Variants in NUP160 observed in about 807,000 individuals in gnomAD.
The protein encoded by NUP160 is nucleoporin 160.
Under a neutral mutation model 196.9 loss-of-function variants are expected in NUP160, and 94 were observed. The ratio of observed to expected loss-of-function variants is 0.48; its 90% CI spans 0.40 to 0.57. The LOEUF is 0.57. Among genes scored for constraint, NUP160 ranks in the 20% least tolerant of loss-of-function variants. The pLI, the probability that NUP160 is intolerant of heterozygous loss-of-function variation, is 0.00. For missense variants in NUP160, 1,638 were observed against 1,748.3 expected (o/e 0.94, Z 1.13); for synonymous variants, 605 against 619.7 (o/e 0.98, Z 0.35).
chr11:47,829,315 T>G (rs1312291900), intron 7 of NUP160, among the ~76,000 whole-genome samples: 2 of 152,216 alleles, frequency 1.3e-5, no homozygotes, highest in Non-Finnish European at 2.9e-5. Context: ...CCATTTTGTT[T>G]GTTTCTTTGT....
intron 3 of NUP160, 140 bp downstream of exon 3, chr11:47,840,238 C>T (rs774968784): frequency 2.5e-5 from 21 of 848,106 alleles, no homozygotes; most frequent in East Asian, 5.3e-5. Context: ...TCATTTTAAG[C>T]GGTAGCTATC....
intron 2 of NUP160, 98 bp from the exon 3 acceptor site, chr11:47,840,686 T>C: frequency 1.1e-6 from 1 of 907,772 alleles, no homozygotes; most frequent in Non-Finnish European, 1.6e-6. Flanking sequence ...ACTCACCAAA[T>C]TTGAAAATTT....
chr11:47,848,350 C>T (rs1852446577), exon 1 of NUP160: 2 of 1,613,198 alleles, frequency 1.2e-6, no homozygotes, highest in Non-Finnish European at 1.7e-6. Context: ...CCCAACGGAA[C>T]AAAGGCAGGG....
At position 47,797,834 on chromosome 11, in the gene NUP160, G is replaced by GT; in HGVS notation, c.3233dup (p.His1078GlnfsTer5). 6.2e-7 allele frequency: 1 copy of GT among 1,613,050 alleles called. No homozygotes were observed. The highest frequency in any genetic ancestry group is 2.2e-5 in the East Asian group (1 of 44,798). ...AGGCATACAGAAGTTCATAGTAATTGTGAGTCATAAGGTCCACAGCTCTAG... is the reference window on the plus strand; with the variant it reads ...AGGCATACAGAAGTTCATAGTAATTGTTGAGTCATAAGGTCCACAGCTCTAG... On this transcript the variant is annotated frameshift_variant, in exon 27 of 36. Transcript: ENST00000378460. LOFTEE classifies it high-confidence loss of function.
At chr11:47,803,571 A>C in intron 21 of NUP160, 35 bp from the exon 22 acceptor site, 2 of 1,167,112 alleles carry the variant, frequency 1.7e-6, no homozygotes, top group Non-Finnish European at 2.6e-6. Context: ...TGATTAGAAA[A>C]TAAATGTTAC....
chr11:47,802,021 A>G, intron 22 of NUP160, 91 bp from the exon 23 acceptor site: 1 of 1,239,324 alleles, frequency 8.1e-7, no homozygotes, highest in Non-Finnish European at 1.1e-6. Context: ...GAAAGCCAAA[A>G]AAGAAACAAG....
intron 34 of NUP160, among the ~76,000 whole-genome samples, chr11:47,782,294 AAAAAAAAAAATATATATATAT>A (rs2097661382): frequency 2.5e-5 from 1 of 40,618 alleles, no homozygotes; most frequent in Non-Finnish European, 4.8e-5. Context: ...TCAGTTAAAA[AAAAAAAAAAATATATATATAT>A]ATATATATAT....
intron 1 of NUP160, 106 bp downstream of exon 1, chr11:47,848,113 G>A (rs1852436853): frequency 7.3e-7 from 1 of 1,373,180 alleles, no homozygotes; most frequent in South Asian, 1.2e-5. Flanking sequence ...CGGGGCTAGA[G>A]GCATGTGGAC....
chr11:47,795,056 A>G (rs2097670100), intron 27 of NUP160, among the ~76,000 whole-genome samples: 1 of 152,108 alleles, frequency 6.6e-6, no homozygotes. Flanking sequence ...GCCGAGATCG[A>G]GACACTGCAC....
intron 23 of NUP160, among the ~76,000 whole-genome samples, chr11:47,799,379 C>T (rs1053581804): frequency 6.6e-6 from 1 of 152,136 alleles, no homozygotes; most frequent in African/African-American, 2.4e-5. Flanking sequence ...AGCCACTGTG[C>T]CCGGCCTGAC....
At chr11:47,807,228 TTTAA>T (rs1319757722) in intron 18 of NUP160, 88 bp from the exon 19 acceptor site, 1 of 786,796 alleles carries the variant, frequency 1.3e-6, no homozygotes, top group Non-Finnish European at 2.1e-6. Flanking sequence ...ACACTGTCAA[TTTAA>T]TTAATAAATT....
chr11:47,837,717 C>A, intron 4 of NUP160, 94 bp from the exon 5 acceptor site: 1 of 866,614 alleles, frequency 1.2e-6, no homozygotes, highest in South Asian at 1.4e-5. Flanking sequence ...TAATAGGCAA[C>A]AGACTTCCGT....
chr11:47,815,732 A>G (rs1300169976), intron 12 of NUP160, 83 bp from the exon 13 acceptor site: 7 of 1,221,306 alleles, frequency 5.7e-6, no homozygotes, highest in African/African-American at 1.5e-5. Flanking sequence ...GTCCAATATC[A>G]TTATACTAAG....
intron 31 of NUP160, 32 bp downstream of exon 31, chr11:47,788,150 A>C (rs750346269): frequency 6.3e-7 from 1 of 1,575,176 alleles, no homozygotes; most frequent in East Asian, 2.2e-5. Flanking sequence ...TTTGCATTAG[A>C]AAAGACTATA....
At chr11:47,839,784 T>G in intron 4 of NUP160, 59 bp downstream of exon 4, 1 of 1,378,848 alleles carries the variant, frequency 7.3e-7, no homozygotes, top group Non-Finnish European at 1.0e-6. Flanking sequence ...GAGGTTGAAC[T>G]GTTTCAATGT....
chr11:47,806,307 T>A (rs1475622739), exon 20 of NUP160: 1 of 1,608,660 alleles, frequency 6.2e-7, no homozygotes, highest in Non-Finnish European at 8.5e-7. Context: ...GTCTGAGGAC[T>A]AGATACTTAA....
chr11:47,823,485 A>G (rs1171223895), intron 7 of NUP160, among the ~76,000 whole-genome samples: 1 of 152,114 alleles, frequency 6.6e-6, no homozygotes, highest in Non-Finnish European at 1.5e-5. Context: ...GTCGTTTAGC[A>G]TAATGTCTTC....
intron 33 of NUP160, among the ~76,000 whole-genome samples, chr11:47,784,114 A>G (rs1211533412): frequency 9.2e-5 from 14 of 152,192 alleles, no homozygotes; most frequent in African/African-American, 3.4e-4. Flanking sequence ...TCCTTATCCT[A>G]CTAACGGTGG....
intron 6 of NUP160, 60 bp downstream of exon 6, chr11:47,836,827 T>C (rs1852185021): frequency 1.9e-6 from 2 of 1,066,338 alleles, no homozygotes; most frequent in Non-Finnish European, 2.9e-6. Flanking sequence ...AAAATTTACT[T>C]CAATTCTCAT....
Sources: allele counts gnomAD v4.1 joint callset (sites outside exome capture counted in the v4.1 genomes callset), GRCh38; gene constraint gnomAD v4.1.1; transcripts MANE v1.5; gene names NCBI Gene and HGNC (gene_info 2026-07-23, HGNC 2026-07-21).